DOCK4: variants seen among roughly 807,000 people sequenced by gnomAD.
DOCK4 encodes the protein dedicator of cytokinesis 4.
Under a neutral mutation model 268.1 loss-of-function variants are expected in DOCK4, and 97 were observed. The observed-to-expected ratio is 0.36, with a 90% confidence interval of 0.31 to 0.43. DOCK4 has a LOEUF of 0.43. DOCK4 is among the 20% of genes least tolerant of loss of function. DOCK4 has a pLI of 1.00. For missense variants in DOCK4, 2,145 were observed against 2,455.7 expected, an observed-to-expected ratio of 0.87 and a Z score of 2.67; for synonymous variants, 954 against 887.2, an observed-to-expected ratio of 1.08 and a Z score of -1.34.
In DOCK4 at chr7:111,901,566, C is replaced by T. The variant is rs928168106; in HGVS notation, c.1317+111G>A. The T allele has an allele frequency of 2.7e-6, 3 of 1,107,528 alleles. No homozygotes were observed. In the African/African-American group the frequency reaches 4.8e-5, roughly 18 times the overall value. The allele number at this position is 1,107,528 out of a possible 1,614,324, so 68.6% of individuals were successfully genotyped here. A position where few individuals can be genotyped will look rare whatever the true frequency, so the allele number is the denominator to read the frequency against. Reference sequence around the variant, plus strand: ...GAGAAAAATAAGATAGAAAATAACGCAAATCAGAAATTAACTGATCGTAAA... The same window carrying T: ...GAGAAAAATAAGATAGAAAATAACGTAAATCAGAAATTAACTGATCGTAAA... On this transcript the variant is annotated intron_variant, in intron 14 of 52. Coordinates refer to ENST00000428084, the MANE Select transcript of DOCK4 (RefSeq NM_001363540.2).
chr7:112,118,808 CT>C (rs1323062928), intron 1 of DOCK4, among the ~76,000 whole-genome samples: 1 of 152,180 alleles, frequency 6.6e-6, no homozygotes, highest in African/African-American at 2.4e-5. Flanking sequence ...CAGCTCACCC[CT>C]GCCATGCTCC....
At chr7:111,840,553 A>G (rs1803600462) in intron 25 of DOCK4, among the ~76,000 whole-genome samples, 1 of 152,176 alleles carries the variant, frequency 6.6e-6, no homozygotes, top group African/African-American at 2.4e-5. Context: ...AGCTAGGGAA[A>G]GCATTTTAAA....
chr7:112,042,016 T>C (rs1804413599), intron 1 of DOCK4, among the ~76,000 whole-genome samples: 1 of 152,136 alleles, frequency 6.6e-6, no homozygotes, highest in Non-Finnish European at 1.5e-5. Context: ...TCCTAGCTAC[T>C]CAGGAGGCTG....
intron 42 of DOCK4, among the ~76,000 whole-genome samples, chr7:111,753,006 G>GGGC (rs1796782689): frequency 2.3e-4 from 1 of 4,414 alleles, no homozygotes; most frequent in African/African-American, 4.9e-4. Context: ...ATAAGCTATT[G>GGGC]GGGGGGGGGT....
At chr7:111,935,866 G>A (rs750211559) in intron 11 of DOCK4, among the ~76,000 whole-genome samples, 25 of 152,072 alleles carry the variant, frequency 1.6e-4, no homozygotes, top group African/African-American at 5.3e-4. Context: ...ATAACACTTC[G>A]CAGATTACAA....
intron 1 of DOCK4, among the ~76,000 whole-genome samples, chr7:112,091,964 T>C (rs990901591): frequency 6.6e-5 from 10 of 152,176 alleles, no homozygotes; most frequent in African/African-American, 2.4e-4. Flanking sequence ...CACTGCTCCC[T>C]GTACCAGGTG....
intron 6 of DOCK4, 102 bp from the exon 7 acceptor site, chr7:111,984,492 C>T: frequency 1.9e-5 from 18 of 923,204 alleles, no homozygotes; most frequent in South Asian, 9.4e-5. Flanking sequence ...AGGTATATCA[C>T]CCACCATGCT....
At chr7:111,926,372 A>T (rs1301608128) in intron 12 of DOCK4, among the ~76,000 whole-genome samples, 3 of 146,896 alleles carry the variant, frequency 2.0e-5, no homozygotes, top group Non-Finnish European at 4.5e-5. Flanking sequence ...CGGAGGTTGC[A>T]GTGAGCCGAG....
intron 1 of DOCK4, among the ~76,000 whole-genome samples, chr7:112,114,083 C>A (rs1246313145): frequency 6.6e-6 from 1 of 152,078 alleles, no homozygotes; most frequent in African/African-American, 2.4e-5. Flanking sequence ...TTTCTTCCAA[C>A]CATCCCCAAT....
chr7:111,755,655 T>C, intron 41 of DOCK4, 54 bp from the exon 42 acceptor site: 1 of 1,507,734 alleles, frequency 6.6e-7, no homozygotes, highest in South Asian at 1.1e-5. Flanking sequence ...TTCTAGCTAC[T>C]TCCATGACTA....
chr7:112,094,065 T>C (rs1053612665), intron 1 of DOCK4, among the ~76,000 whole-genome samples: 1 of 152,120 alleles, frequency 6.6e-6, no homozygotes, highest in Non-Finnish European at 1.5e-5. Flanking sequence ...CAAATATTTA[T>C]ATTAAAATAT....
At chr7:112,018,545 G>C (rs940621831) in intron 1 of DOCK4, among the ~76,000 whole-genome samples, 1 of 152,096 alleles carries the variant, frequency 6.6e-6, no homozygotes, top group South Asian at 2.1e-4. Context: ...AATGAAATTA[G>C]CTTTCCATAA....
intron 5 of DOCK4, among the ~76,000 whole-genome samples, chr7:111,993,534 T>A (rs1799698033): frequency 1.3e-5 from 2 of 152,186 alleles, no homozygotes; most frequent in South Asian, 4.1e-4. Context: ...GATGTGATCA[T>A]CATTATTATT....
At chr7:112,183,700 G>A (rs998435248) in intron 1 of DOCK4, among the ~76,000 whole-genome samples, 6 of 152,178 alleles carry the variant, frequency 3.9e-5, no homozygotes, top group African/African-American at 1.2e-4. Flanking sequence ...GTGGGGGTGA[G>A]GGTTGGGTAG....
rs916352415 is a variant in DOCK4 at position 112,143,405 on chromosome 7, A to T, written c.37+62697T>A. 3.3e-5 allele frequency among the ~76,000 whole-genome samples: 5 copies of T among 152,294 alleles called. No homozygotes were observed. In the South Asian group the frequency reaches 1.0e-3, roughly 32 times the overall value. On this transcript the variant is annotated intron_variant, in intron 1 of 52. Coordinates refer to ENST00000428084, the MANE Select transcript of DOCK4 (RefSeq NM_001363540.2). ...TAACTAAAACCAAAGCAATTCTTTGAATATTTATAAACCAAGACAAGCAGA... is the reference window on the plus strand; with the variant it reads ...TAACTAAAACCAAAGCAATTCTTTGTATATTTATAAACCAAGACAAGCAGA...
At chr7:111,865,572 C>A (rs911620593) in intron 22 of DOCK4, among the ~76,000 whole-genome samples, 11 of 152,226 alleles carry the variant, frequency 7.2e-5, no homozygotes, top group Non-Finnish European at 1.5e-5. Context: ...TAAGACGACT[C>A]CCATGACCCT....
intron 1 of DOCK4, among the ~76,000 whole-genome samples, chr7:112,120,476 T>C (rs556448166): frequency 1.3e-5 from 2 of 152,352 alleles, no homozygotes; most frequent in South Asian, 2.1e-4. Flanking sequence ...TTTGTGTTTA[T>C]ATCCTCAAAA....
chr7:111,758,054 A>G (rs1037806118), intron 41 of DOCK4, among the ~76,000 whole-genome samples: 1 of 152,114 alleles, frequency 6.6e-6, no homozygotes, highest in Non-Finnish European at 1.5e-5. Flanking sequence ...AACTCAACAC[A>G]CACAAAGAAT....
intron 1 of DOCK4, among the ~76,000 whole-genome samples, chr7:112,129,761 T>C (rs1813622871): frequency 6.6e-6 from 1 of 152,150 alleles, no homozygotes; most frequent in Non-Finnish European, 1.5e-5. Context: ...CATTCATATG[T>C]AGAAATCTAT....
Sources: gnomAD v4.1 joint callset for allele counts (sites outside exome capture counted in the v4.1 genomes callset) on GRCh38, gnomAD v4.1.1 for gene constraint, MANE v1.5 for transcripts, NCBI Gene and HGNC (gene_info 2026-07-23, HGNC 2026-07-21) for gene names.